The following CARNS1 variants were observed in gnomAD, a reference collection of about 807,000 sequenced individuals.
CARNS1 encodes the protein ATP-grasp domain containing 1.
CARNS1 carries 61 observed loss-of-function variants against 74.0 expected under a neutral mutation model. The ratio of observed to expected loss-of-function variants is 0.82; its 90% CI spans 0.67 to 1.02. The LOEUF is 1.02. CARNS1 is among the 50% of genes least tolerant of loss of function. CARNS1 has a pLI of 0.00. For synonymous variants in CARNS1, 568 were observed against 605.5 expected (o/e 0.94, Z 0.91); for missense variants, 1,278 against 1,308.4 (o/e 0.98, Z 0.36).
intron 6 of CARNS1, 25 bp from the exon 7 acceptor site, chr11:67,419,728 C>T (rs572926016): frequency 6.3e-7 from 1 of 1,596,052 alleles, no homozygotes; most frequent in South Asian, 1.1e-5. Flanking sequence ...CTGTGCTGGC[C>T]TTAGACCTCC....
At position 67,417,574 on chromosome 11, in the gene CARNS1, C is replaced by G; in HGVS notation, c.171C>G (p.Ala57=). 1.5e-6 allele frequency: 2 copies of G among 1,370,088 alleles called. No homozygotes were observed. The highest frequency in any genetic ancestry group is 1.9e-6 in the Non-Finnish European group (2 of 1,062,266). The allele number at this position is 1,370,088 out of a possible 1,614,324, so 84.9% of individuals were successfully genotyped here. The change falls in exon 3 of 10, where the codon GCC becomes GCG. Residue 57 remains alanine, a synonymous_variant. Transcript: ENST00000687366. ...ACTGCAAGGGATCCCCCGAGGGGGC[C>G]GAGGCCCGGGCTTGGACTGTCTACT... ...GLDCKGSPEG[A]EARAWTVYYY...
rs1279937999 is a variant in CARNS1 at position 67,419,581 on chromosome 11, T to C, written c.947T>C (p.Leu316Pro). The change falls in exon 6 of 10, where the codon CTG becomes CCG. Residue 316 changes from leucine (L) to proline (P), a missense_variant. By Grantham distance (98) the Leu-to-Pro change is moderately conservative. Around this residue, in one of 3 missense-constraint regions of CARNS1, gnomAD observed 1,164 missense variants for 1,156.5 expected, o/e 1.01. Coordinates refer to ENST00000687366, the MANE Select transcript of CARNS1 (RefSeq NM_001166222.2). ...AELGAVVDTV[L>P]ALLEKLEEEE... ...CTGGGTGCAGTGGTGGACACAGTGC[T>C]GGCGCTGCTGGAGAAGCTGGAGGAG... 8 of 1,606,356 alleles carry C rather than the reference T, an allele frequency of 5.0e-6. No individual in the cohort carries two copies. The highest frequency in any genetic ancestry group is 1.6e-4 in the Middle Eastern group (1 of 6,066).
At chr11:67,418,245 G>A (rs1863597873) in intron 3 of CARNS1, among the ~76,000 whole-genome samples, 186 bp from the exon 4 acceptor site, 1 of 152,180 alleles carries the variant, frequency 6.6e-6, no homozygotes, top group African/African-American at 2.4e-5. Context: ...GCTGCAGAAA[G>A]GGGAAACCAG....
rs948884922 is a variant in CARNS1, at chr11:67,424,590, C to T, written c.2842C>T (p.His948Tyr). Reference protein sequence around the residue: ...PSYPVAHFLSHFK With the variant: ...PSYPVAHFLSYFK ...CTACCCTGTTGCCCACTTCCTGTCT[C>T]ACTTCAAATAGCACTGGGGTCAGGG... The change falls in exon 10 of 10, where the codon CAC (histidine) becomes TAC (tyrosine). Residue 948 changes from histidine to tyrosine, a missense_variant. Transcript: ENST00000687366. 1 of 1,605,558 alleles carries T rather than the reference C, an allele frequency of 6.2e-7. No individual in the cohort carries two copies. The highest frequency in any genetic ancestry group is 2.3e-4 in the Middle Eastern group (1 of 4,424).
chr11:67,417,207 C>T, intron 2 of CARNS1, 200 bp from the exon 3 acceptor site: 2 of 1,229,102 alleles, frequency 1.6e-6, no homozygotes, highest in Non-Finnish European at 2.0e-6. Flanking sequence ...CCACACAGAA[C>T]AGTTTACAAA....
At chr11:67,417,023 A>T (rs147899564) in intron 2 of CARNS1, 3 of 1,012,932 alleles carry the variant, frequency 3.0e-6, no homozygotes, top group Non-Finnish European at 3.5e-6. Flanking sequence ...GTCAACAAAC[A>T]CTTACTGAGA....
chr11:67,421,044 G>A lies in CARNS1; in HGVS notation c.1451G>A (p.Trp484Ter). ...LEACGALEGLWAAPRLGPAAD... is the reference protein window; with the variant it reads ...LEACGALEGL ...GCGTGCGGCGCGCTGGAGGGGCTGT[G>A]GGCCGCGCCGCGGCTGGGGCCGGCG... The change falls in exon 9 of 10, where the codon TGG becomes TAG. Residue 484 changes from tryptophan to a stop codon, truncating the protein, a stop_gained. Coordinates refer to ENST00000687366, the MANE Select transcript of CARNS1 (RefSeq NM_001166222.2). LOFTEE classifies it high-confidence loss of function. 2 of 1,359,144 alleles carry A rather than the reference G, an allele frequency of 1.5e-6. No individual in the cohort carries two copies. The highest frequency in any genetic ancestry group is 9.4e-7 in the Non-Finnish European group (1 of 1,066,742). The allele number at this position is 1,359,144 out of a possible 1,614,324, so 84.2% of individuals were successfully genotyped here.
At chr11:67,418,401 G>A in intron 3 of CARNS1, 30 bp from the exon 4 acceptor site, 1 of 1,422,712 alleles carries the variant, frequency 7.0e-7, no homozygotes, top group East Asian at 2.7e-5. Context: ...GGGCGCCCCT[G>A]GTGAGCTGGG....
chr11:67,416,626 G>A (rs1223685280), intron 2 of CARNS1: 4 of 1,009,458 alleles, frequency 4.0e-6, no homozygotes, highest in South Asian at 3.9e-5. Context: ...GAGACCTCAC[G>A]ACTTGCTCAA....
chr11:67,421,193 G>A lies in CARNS1; in HGVS notation c.1600G>A (p.Glu534Lys). The A allele has an allele frequency of 6.7e-7, 1 of 1,494,022 alleles. No homozygotes were observed. Among genetic ancestry groups the A allele is most frequent in the Non-Finnish European group, 8.9e-7 (1 of 1,127,918 alleles). The allele number at this position is 1,494,022 out of a possible 1,614,324, so 92.5% of individuals were successfully genotyped here. ...CGGCGTCAGCAAGAAGTTCGTGTGGGAGGCGGCGCGCGACTACGGGCTCCA... is the reference window on the plus strand; with the variant it reads ...CGGCGTCAGCAAGAAGTTCGTGTGGAAGGCGGCGCGCGACTACGGGCTCCA... ...AGGVSKKFVW[E>K]AARDYGLQLH... Residue 534 changes from glutamate (E) to lysine (K), a missense_variant, in exon 9 of 10, where the codon GAG (glutamate) becomes AAG (lysine). Glu to Lys is a moderately conservative substitution (Grantham distance 56, BLOSUM62 1). Transcript: ENST00000687366.
rs1247534484 is a variant in CARNS1 at position 67,423,102 on chromosome 11, C to A, written c.1627-273C>A. Among the ~76,000 whole-genome samples the A allele has an allele frequency of 2.6e-5, 4 of 152,228 alleles. No individual in the cohort carries two copies. Among genetic ancestry groups the A allele is most frequent in the Non-Finnish European group, 5.9e-5 (4 of 68,024 alleles). On this transcript the variant is annotated intron_variant, in intron 9 of 9. Coordinates refer to ENST00000687366, the MANE Select transcript of CARNS1 (RefSeq NM_001166222.2). This position sits in a 1 kb window ranked among gnomAD's most constrained non-coding sequence, Gnocchi z 5.1. ...TGCAGCCCCTCCCACCCAGAACATGCCTTTTCCTCCTGCAGCCACCTGGCT... is the reference window on the plus strand; with the variant it reads ...TGCAGCCCCTCCCACCCAGAACATGACTTTTCCTCCTGCAGCCACCTGGCT...
chr11:67,417,402 C>T lies in CARNS1; in HGVS notation c.4-5C>T. On this transcript the variant is annotated splice_region_variant and splice_polypyrimidine_tract_variant and intron_variant, in intron 2 of 9. Coordinates refer to ENST00000687366, the MANE Select transcript of CARNS1 (RefSeq NM_001166222.2). ...GCCCAAGACCTACCACTTCTGCCCT[C>T]TCAGCTCTCCCTGGATCCATCGGGT... 7.4e-7 allele frequency: 1 copy of T among 1,346,892 alleles called. No homozygotes were observed. The allele number at this position is 1,346,892 out of a possible 1,614,324, so 83.4% of individuals were successfully genotyped here. A position where few individuals can be genotyped will look rare whatever the true frequency, so the allele number is the denominator to read the frequency against.
rs1442799619 is a variant in CARNS1, at chr11:67,423,913, T to C, written c.2165T>C (p.Met722Thr). The change falls in exon 10 of 10, where the codon ATG becomes ACG. Residue 722 changes from methionine (M) to threonine (T), a missense_variant. Transcript: ENST00000687366. The surrounding 1 kb of genome is among the most constrained non-coding windows in gnomAD (Gnocchi z 5.1). ...PGIGLGWGNAMLLMEFVEGTE... is the reference protein window; with the variant it reads ...PGIGLGWGNATLLMEFVEGTE... Reference sequence around the variant, plus strand: ...ATTGGGCTGGGCTGGGGCAATGCCATGCTGCTGATGGAGTTTGTGGAGGGC... The same window carrying C: ...ATTGGGCTGGGCTGGGGCAATGCCACGCTGCTGATGGAGTTTGTGGAGGGC... The C allele has an allele frequency of 6.2e-7, 1 of 1,613,690 alleles. No homozygotes were observed. The highest frequency in any genetic ancestry group is 8.5e-7 in the Non-Finnish European group (1 of 1,179,870).
Position 67,415,695 on chromosome 11 carries a change from G to A in CARNS1, c.-93G>A. On this transcript the variant is annotated 5_prime_UTR_variant, in exon 1 of 10. Coordinates refer to ENST00000687366, the MANE Select transcript of CARNS1 (RefSeq NM_001166222.2). Reference sequence around the variant, plus strand: ...GGCCGGGCGCTGTGCCACTGCCACCGCCGCCGCCGCTGCATCCCGCCCGGT... The same window carrying A: ...GGCCGGGCGCTGTGCCACTGCCACCACCGCCGCCGCTGCATCCCGCCCGGT... 2 of 153,758 alleles carry A rather than the reference G, an allele frequency of 1.3e-5. No individual in the cohort carries two copies. Among genetic ancestry groups the A allele is most frequent in the Non-Finnish European group, 2.9e-5 (2 of 68,934 alleles). 9.5% of individuals were successfully genotyped at this position (153,758 alleles called of 1,614,324 possible). A position where few individuals can be genotyped will look rare whatever the true frequency, so the allele number is the denominator to read the frequency against.
At chr11:67,419,890 A>C (rs1331290864) in intron 7 of CARNS1, 52 bp downstream of exon 7, 23 of 1,532,292 alleles carry the variant, frequency 1.5e-5, no homozygotes, top group Non-Finnish European at 1.8e-5. Flanking sequence ...ACGCCAGCCC[A>C]GTCCCAGTAG....
intron 7 of CARNS1, 124 bp from the exon 8 acceptor site, chr11:67,420,485 T>G: frequency 5.8e-6 from 3 of 513,386 alleles, no homozygotes; most frequent in Non-Finnish European, 9.0e-6. Context: ...TTAAGACACG[T>G]TGGAGGACGG....
rs1310706786 is a variant in CARNS1 at position 67,423,215 on chromosome 11, TG to T, written c.1627-159del. Reference sequence around the variant, plus strand: ...CGGCCTGTATCAGGTGTCCCACTTCTGCCCCTTCCATTTATTCAGTCAATCC... The same window carrying T: ...CGGCCTGTATCAGGTGTCCCACTTCTCCCCTTCCATTTATTCAGTCAATCC... On this transcript the variant is annotated intron_variant, in intron 9 of 9. Transcript: ENST00000687366. This position sits in a 1 kb window ranked among gnomAD's most constrained non-coding sequence, Gnocchi z 5.1. Among the ~76,000 whole-genome samples, 1 of 152,218 alleles carries T rather than the reference TG, an allele frequency of 6.6e-6. No homozygotes were observed. The highest frequency in any genetic ancestry group is 1.5e-5 in the Non-Finnish European group (1 of 68,026).
At position 67,424,108 on chromosome 11, in the gene CARNS1, G is replaced by T; in HGVS notation, c.2360G>T (p.Cys787Phe). ...ATGGTTCAGGCAGCCTTCCGCTGTT[G>T]CCTGGGCTGCGGGTTGCTCGATGGA... Reference protein sequence around the residue: ...AQMVQAAFRCCLGCGLLDGVF... With the variant: ...AQMVQAAFRCFLGCGLLDGVF... Residue 787 changes from cysteine to phenylalanine, a missense_variant, in exon 10 of 10, where the codon TGC (cysteine) becomes TTC (phenylalanine). Cys to Phe is a radical substitution (Grantham distance 205, BLOSUM62 -2). This residue lies in a region of CARNS1 where 1,164 missense variants were observed against 1,156.5 expected (regional missense o/e 1.01). Coordinates refer to ENST00000687366, the MANE Select transcript of CARNS1 (RefSeq NM_001166222.2). 1 of 1,613,802 alleles carries T rather than the reference G, an allele frequency of 6.2e-7. No individual in the cohort carries two copies. The highest frequency in any genetic ancestry group is 1.1e-5 in the South Asian group (1 of 91,068).
At position 67,424,243 on chromosome 11, in the gene CARNS1, T is replaced by C; in HGVS notation, c.2495T>C (p.Val832Ala). Reference sequence around the variant, plus strand: ...GATTGGATCCTGGAGCTCTATGGTGTTGACCTGCTGCTGGCTGCTGTTATG... The same window carrying C: ...GATTGGATCCTGGAGCTCTATGGTGCTGACCTGCTGCTGGCTGCTGTTATG... ...LRDWILELYGVDLLLAAVMVA... is the reference protein window; with the variant it reads ...LRDWILELYGADLLLAAVMVA... Residue 832 changes from valine (V) to alanine (A), a missense_variant, in exon 10 of 10, where the codon GTT becomes GCT. By Grantham distance (64) the Val-to-Ala change is moderately conservative (BLOSUM62 0). Transcript: ENST00000687366. The C allele has an allele frequency of 6.2e-7, 1 of 1,613,602 alleles. No homozygotes were observed. The highest frequency in any genetic ancestry group is 8.5e-7 in the Non-Finnish European group (1 of 1,179,890).
Sources: gnomAD v4.1 joint callset for allele counts (sites outside exome capture counted in the v4.1 genomes callset) on GRCh38, gnomAD v4.1.1 for gene constraint, gnomAD v4.1.1 regional missense constraint, Gnocchi (gnomAD v3.1) non-coding constraint, MANE v1.5 for transcripts, NCBI Gene and HGNC (gene_info 2026-07-23, HGNC 2026-07-21) for gene names.